The following RFC3 variants were observed in gnomAD, a reference collection of about 807,000 sequenced individuals.
The protein encoded by RFC3 is replication factor C subunit 3, also known as A1 38 kDa subunit.
A neutral mutation model predicts 45.1 loss-of-function variants in RFC3; 41 were observed. That is an observed-to-expected ratio of 0.91 (90% CI 0.71 to 1.18). RFC3 has a LOEUF of 1.18. Among genes scored for constraint, RFC3 ranks in the 50% most tolerant of loss-of-function variants. The pLI, the probability that RFC3 is intolerant of heterozygous loss-of-function variation, is 0.00. For synonymous variants in RFC3, 149 were observed against 144.0 expected, an observed-to-expected ratio of 1.03 and a Z score of -0.25; for missense variants, 423 against 428.1, an observed-to-expected ratio of 0.99 and a Z score of 0.10.
intron 8 of RFC3, among the ~76,000 whole-genome samples, chr13:33,959,219 C>G (rs1178114186): frequency 6.6e-6 from 1 of 152,140 alleles, no homozygotes; most frequent in Non-Finnish European, 1.5e-5. Context: ...GGTCTCTGCT[C>G]TCCTTCTAAA....
rs189736059 is a variant in RFC3 at position 33,905,287 on chromosome 13, T to C, written c.880-60800T>C. ...TGGGTATACGAGTGCATGTTATTTG[T>C]TATTATGTTGCTTTTCACATTTTAA... On this transcript the variant is annotated intron_variant, in intron 8 of 8. Coordinates refer to the RFC3 transcript ENST00000434425. 2.6e-5 allele frequency among the ~76,000 whole-genome samples: 4 copies of C among 152,098 alleles called. No individual in the cohort carries two copies. The East Asian group carries it at 7.8e-4, about 29-fold the overall frequency.
At chr13:33,826,296 T>C (rs984677676) in intron 4 of RFC3, among the ~76,000 whole-genome samples, 9 of 152,216 alleles carry the variant, frequency 5.9e-5, no homozygotes, top group African/African-American at 1.9e-4. Flanking sequence ...GATTTTGTGA[T>C]AATAAATATG....
At chr13:33,878,726 G>GA (rs1006373832) in intron 8 of RFC3, among the ~76,000 whole-genome samples, 4 of 152,040 alleles carry the variant, frequency 2.6e-5, no homozygotes, top group African/African-American at 4.8e-5. Flanking sequence ...TAGATTTGCT[G>GA]AAAAAAACTG....
intron 8 of RFC3, among the ~76,000 whole-genome samples, chr13:33,843,187 C>T (rs2082212398): frequency 6.9e-6 from 1 of 144,092 alleles, no homozygotes; most frequent in Admixed American, 7.2e-5. Flanking sequence ...GAACAGATTT[C>T]TCTAGCTATT....
chr13:33,857,067 T>C (rs1382634368), intron 8 of RFC3, among the ~76,000 whole-genome samples: 1 of 152,202 alleles, frequency 6.6e-6, no homozygotes, highest in Non-Finnish European at 1.5e-5. Context: ...TTTCAAACTT[T>C]AGTACTTTTA....
intron 8 of RFC3, among the ~76,000 whole-genome samples, chr13:33,854,487 A>G (rs899132767): frequency 6.6e-6 from 1 of 152,248 alleles, no homozygotes; most frequent in Non-Finnish European, 1.5e-5. Context: ...CAGAAGCAAC[A>G]AAACTGCTTT....
intron 8 of RFC3, among the ~76,000 whole-genome samples, chr13:33,889,182 A>G (rs1274083887): frequency 6.6e-6 from 1 of 152,238 alleles, no homozygotes; most frequent in Non-Finnish European, 1.5e-5. Flanking sequence ...GATCCAACAC[A>G]TCACTGAACA....
At chr13:33,864,030 C>A (rs1161322746) in intron 8 of RFC3, among the ~76,000 whole-genome samples, 2 of 152,172 alleles carry the variant, frequency 1.3e-5, no homozygotes, top group Non-Finnish European at 2.9e-5. Flanking sequence ...TCACCAACAT[C>A]TGCGTGGCTT....
At chr13:33,855,373 T>G (rs1450240267) in intron 8 of RFC3, among the ~76,000 whole-genome samples, 1 of 152,200 alleles carries the variant, frequency 6.6e-6, no homozygotes, top group Non-Finnish European at 1.5e-5. Context: ...CTTTACCCAG[T>G]CTACCATTGA....
chr13:33,942,937 G>A (rs534985397), intron 8 of RFC3, among the ~76,000 whole-genome samples: 2 of 152,268 alleles, frequency 1.3e-5, no homozygotes, highest in Admixed American at 6.5e-5. Context: ...ATAAAGCAGA[G>A]CTGTTTCTGC....
intron 8 of RFC3, among the ~76,000 whole-genome samples, chr13:33,912,530 C>T (rs537168942): frequency 6.6e-6 from 1 of 152,042 alleles, no homozygotes; most frequent in Non-Finnish European, 1.5e-5. Context: ...TGGGGAACAT[C>T]AGGGCAGTGG....
chr13:33,825,864 A>G lies in RFC3; in HGVS notation c.369A>G (p.Thr123=), dbSNP rs141206795. The change falls in exon 4 of 9, where the codon ACA becomes ACG. Residue 123 remains threonine, a synonymous_variant. Transcript: ENST00000380071. ...TGGCACAATCACAACAACTTGAAACAAACTCTCAAAGGGATTTTAAAGGTA... is the reference window on the plus strand; with the variant it reads ...TGGCACAATCACAACAACTTGAAACGAACTCTCAAAGGGATTTTAAAGGTA... ...KTVAQSQQLE[T]NSQRDFKVVL... 4.5e-5 allele frequency: 72 copies of G among 1,608,030 alleles called. No homozygotes were observed. Among genetic ancestry groups the G allele is most frequent in the Non-Finnish European group, 5.6e-5 (66 of 1,176,678 alleles).
chr13:33,834,310 A>G (rs935173728), intron 7 of RFC3, among the ~76,000 whole-genome samples: 4 of 126,660 alleles, frequency 3.2e-5, no homozygotes, highest in South Asian at 2.5e-4. Flanking sequence ...ATATATATAT[A>G]TATATATATA....
At chr13:33,929,362 C>A (rs1468066012) in intron 8 of RFC3, among the ~76,000 whole-genome samples, 1 of 152,036 alleles carries the variant, frequency 6.6e-6, no homozygotes, top group Non-Finnish European at 1.5e-5. Context: ...CATCTAAATA[C>A]ATCGCTGACT....
chr13:33,965,291 G>T (rs906724395), intron 8 of RFC3, among the ~76,000 whole-genome samples: 2 of 152,090 alleles, frequency 1.3e-5, no homozygotes, highest in Non-Finnish European at 2.9e-5. Flanking sequence ...TGAGCTATTC[G>T]GTCAATGACA....
chr13:33,939,402 GCTTCCAGGTGGGTGAA>G (rs1472088764), intron 8 of RFC3, among the ~76,000 whole-genome samples: 2 of 152,094 alleles, frequency 1.3e-5, no homozygotes, highest in Admixed American at 1.3e-4. Flanking sequence ...GGCTCAGAGA[GCTTCCAGGTGGGTGAA>G]CACACCAAGG....
intron 8 of RFC3, among the ~76,000 whole-genome samples, chr13:33,844,234 G>C (rs2082221401): frequency 6.6e-6 from 1 of 152,102 alleles, no homozygotes; most frequent in Non-Finnish European, 1.5e-5. Context: ...CTAGTCTTCT[G>C]GTTCTTTAAT....
chr13:33,949,387 G>A (rs907762005), intron 8 of RFC3, among the ~76,000 whole-genome samples: 2 of 152,134 alleles, frequency 1.3e-5, no homozygotes, highest in African/African-American at 4.8e-5. Context: ...GTTCTTTATA[G>A]CAGCCTAAGA....
intron 8 of RFC3, among the ~76,000 whole-genome samples, chr13:33,937,675 C>T (rs2082895851): frequency 8.5e-5 from 13 of 152,106 alleles, no homozygotes; most frequent in Admixed American, 7.9e-4. Context: ...AATCACATAA[C>T]TTAGAAATGA....
Sources: gnomAD v4.1 joint callset for allele counts (sites outside exome capture counted in the v4.1 genomes callset) on GRCh38, gnomAD v4.1.1 for gene constraint, MANE v1.5 for transcripts, NCBI Gene and HGNC (gene_info 2026-07-23, HGNC 2026-07-21) for gene names.